Variants in DLG2 observed in about 807,000 individuals in gnomAD.
The protein encoded by DLG2 is disks large homolog 2.
A neutral mutation model predicts 132.5 loss-of-function variants in DLG2; 45 were observed. That is an observed-to-expected ratio of 0.34 (90% CI 0.27 to 0.44). The LOEUF (loss-of-function observed/expected upper bound fraction) is 0.44. Among genes scored for constraint, DLG2 ranks in the 20% least tolerant of loss-of-function variants. The pLI is 1.00. For synonymous variants in DLG2, 424 were observed against 419.6 expected, an observed-to-expected ratio of 1.01 and a Z score of -0.13; for missense variants, 1,045 against 1,196.9, an observed-to-expected ratio of 0.87 and a Z score of 1.87.
chr11:85,070,043 T>G (rs1203594547), intron 6 of DLG2, among the ~76,000 whole-genome samples: 1 of 151,928 alleles, frequency 6.6e-6, no homozygotes, highest in Non-Finnish European at 1.5e-5. Context: ...CTCAGCAAAC[T>G]ATCGCAAGGA....
At chr11:85,198,787 C>A (rs2081243681) in intron 4 of DLG2, among the ~76,000 whole-genome samples, 2 of 152,130 alleles carry the variant, frequency 1.3e-5, no homozygotes, top group Non-Finnish European at 2.9e-5. Flanking sequence ...CTTACAACCA[C>A]CCCATCTTTC....
chr11:84,351,613 G>A (rs774032585), intron 7 of DLG2, among the ~76,000 whole-genome samples: 4 of 152,022 alleles, frequency 2.6e-5, no homozygotes, highest in South Asian at 2.1e-4. Context: ...TTAACTGAGC[G>A]CCTGGAACAT....
chr11:84,128,905 C>A (rs766156432), intron 9 of DLG2, among the ~76,000 whole-genome samples: 1 of 152,124 alleles, frequency 6.6e-6, no homozygotes, highest in Non-Finnish European at 1.5e-5. Flanking sequence ...AAATAGATCA[C>A]CTTTTTTGGC....
chr11:84,497,941 G>C (rs536320541), intron 7 of DLG2, among the ~76,000 whole-genome samples: 3 of 152,186 alleles, frequency 2.0e-5, no homozygotes, highest in Admixed American at 6.6e-5. Context: ...CAAGATACAC[G>C]ATACACTAGA....
At chr11:84,013,211 T>C (rs2154067212) in intron 11 of DLG2, among the ~76,000 whole-genome samples, 1 of 152,258 alleles carries the variant, frequency 6.6e-6, no homozygotes, top group Non-Finnish European at 1.5e-5. Flanking sequence ...AAGCAGAGAT[T>C]TTGAAGCCAG....
chr11:85,021,667 A>G (rs1247468223), intron 6 of DLG2: 13 of 1,116,108 alleles, frequency 1.2e-5, no homozygotes, highest in African/African-American at 4.6e-5. Context: ...GTTTGATGAT[A>G]AGGTTTCTCA....
At chr11:84,458,698 C>A (rs928062084) in intron 7 of DLG2, among the ~76,000 whole-genome samples, 9 of 150,640 alleles carry the variant, frequency 6.0e-5, no homozygotes, top group African/African-American at 2.2e-4. Flanking sequence ...GTAGTCAAAT[C>A]TATTCATTCT....
chr11:84,228,923 C>A (rs1323048131), intron 8 of DLG2, among the ~76,000 whole-genome samples: 3 of 152,122 alleles, frequency 2.0e-5, no homozygotes, highest in Non-Finnish European at 2.9e-5. Context: ...TGGGCCTCAG[C>A]TTTCTCATTC....
chr11:84,064,159 G>A (rs1415726483), intron 10 of DLG2, among the ~76,000 whole-genome samples: 1 of 152,016 alleles, frequency 6.6e-6, no homozygotes. Context: ...ATTGAAGTAA[G>A]ATTTGTGATT....
chr11:85,149,234 T>C (rs1030834263), intron 5 of DLG2, among the ~76,000 whole-genome samples: 2 of 151,996 alleles, frequency 1.3e-5, no homozygotes, highest in African/African-American at 4.8e-5. Flanking sequence ...CTATATGGGC[T>C]TTTTTTGGTT....
chr11:85,146,479 C>A (rs2076867311), intron 5 of DLG2, among the ~76,000 whole-genome samples: 2 of 152,056 alleles, frequency 1.3e-5, no homozygotes, highest in South Asian at 4.1e-4. Context: ...TCCCTCCTGT[C>A]AGGGGAGCAG....
At position 84,280,707 on chromosome 11, in the gene DLG2, G is replaced by GT. The variant is rs879281178; in HGVS notation, c.520-29417dup. Among the ~76,000 whole-genome samples the GT allele has an allele frequency of 3.5e-3, 535 of 150,894 alleles. 8 individuals are homozygous for GT. The highest frequency in any genetic ancestry group is 3.1e-3 in the Non-Finnish European group (210 of 67,636). On this transcript the variant is annotated intron_variant, in intron 7 of 27. Coordinates refer to ENST00000376104, the MANE Select transcript of DLG2 (RefSeq NM_001142699.3). ...ATAAATAACTGTTTTTTTGTTTTTT[G>GT]TTTTTTTTGAGACGGAGTCTCACTC...
chr11:84,316,873 A>G lies in DLG2; in HGVS notation c.520-65582T>C, dbSNP rs1178975734. 6.2e-6 allele frequency: 10 copies of G among 1,612,744 alleles called. No individual in the cohort carries two copies. In the East Asian group the frequency reaches 2.2e-4, roughly 36 times the overall value. On this transcript the variant is annotated intron_variant, in intron 7 of 27. Coordinates refer to ENST00000376104, the MANE Select transcript of DLG2 (RefSeq NM_001142699.3). ...GTGGGCAGGTACAATGCTCCCCACA[A>G]GTCCCTTTGCCCTTGGTGCTCGTCT... is the stretch of plus-strand genomic sequence containing the variant.
At chr11:84,490,899 G>GTA in intron 7 of DLG2, among the ~76,000 whole-genome samples, 1 of 152,012 alleles carries the variant, frequency 6.6e-6, no homozygotes, top group African/African-American at 2.4e-5. Context: ...GTGTGTGTGT[G>GTA]TGTGTGTGTG....
At chr11:83,672,241 A>G (rs1256160644) in intron 18 of DLG2, among the ~76,000 whole-genome samples, 3 of 151,106 alleles carry the variant, frequency 2.0e-5, no homozygotes, top group Non-Finnish European at 2.9e-5. Flanking sequence ...GGCTACTGCA[A>G]TGGTGCCATC....
At chr11:84,420,765 T>G (rs933423977) in intron 7 of DLG2, among the ~76,000 whole-genome samples, 1 of 137,888 alleles carries the variant, frequency 7.3e-6, no homozygotes, top group Non-Finnish European at 1.6e-5. Flanking sequence ...GCCTCCCGGG[T>G]TCACGCCATT....
At chr11:85,536,479 C>T (rs188479453) in intron 3 of DLG2, among the ~76,000 whole-genome samples, 196 of 152,312 alleles carry the variant, frequency 1.3e-3, no homozygotes, top group South Asian at 2.9e-3. Flanking sequence ...AGCCCTCACT[C>T]GCTCTTGGGG....
At chr11:84,499,607 A>AAC (rs1319297808) in intron 7 of DLG2, among the ~76,000 whole-genome samples, 1 of 152,198 alleles carries the variant, frequency 6.6e-6, no homozygotes, top group African/African-American at 2.4e-5. Flanking sequence ...TGCAAAGATT[A>AAC]ACAGTTTTTA....
chr11:83,551,866 C>T (rs1475841711), intron 19 of DLG2, among the ~76,000 whole-genome samples: 2 of 152,052 alleles, frequency 1.3e-5, no homozygotes, highest in East Asian at 1.9e-4. Context: ...CTACTATGTG[C>T]CAGGCACTCT....
Sources: gnomAD v4.1 joint callset for allele counts (sites outside exome capture counted in the v4.1 genomes callset) on GRCh38, gnomAD v4.1.1 for gene constraint, MANE v1.5 for transcripts, NCBI Gene and HGNC (gene_info 2026-07-23, HGNC 2026-07-21) for gene names.